Variants in ADGRL3 observed in about 807,000 individuals in gnomAD.
ADGRL3 encodes the protein adhesion G protein-coupled receptor L3.
ADGRL3 carries 62 observed loss-of-function variants against 153.5 expected under a neutral mutation model. The ratio of observed to expected loss-of-function variants is 0.40; its 90% confidence interval spans 0.33 to 0.50. The LOEUF is 0.50. Ranked by LOEUF, ADGRL3 falls within the 20% of genes least tolerant of loss-of-function variation. The probability of loss-of-function intolerance (pLI) is 0.47; values close to 1 mark genes in which losing one functional copy is unlikely to be tolerated. For synonymous variants in ADGRL3, 710 were observed against 672.5 expected, an observed-to-expected ratio of 1.06 and a Z score of -0.86; for missense variants, 1,641 against 1,859.4, an observed-to-expected ratio of 0.88 and a Z score of 2.16.
intron 1 of ADGRL3, among the ~76,000 whole-genome samples, chr4:61,288,016 C>T (rs1306902557): frequency 6.6e-6 from 1 of 151,896 alleles, no homozygotes; most frequent in Non-Finnish European, 1.5e-5. Context: ...CATAATACTA[C>T]ATCCAGCCAG....
At chr4:61,664,760 T>C (rs1464149890) in intron 5 of ADGRL3, among the ~76,000 whole-genome samples, 2 of 152,204 alleles carry the variant, frequency 1.3e-5, no homozygotes, top group African/African-American at 2.4e-5. Context: ...TTCTTAGTTA[T>C]TGTGGTACAA....
At chr4:61,305,594 T>A (rs769618280) in intron 1 of ADGRL3, among the ~76,000 whole-genome samples, 10 of 152,186 alleles carry the variant, frequency 6.6e-5, no homozygotes, top group Non-Finnish European at 8.8e-5. Flanking sequence ...CTAGAACTTC[T>A]GATTTTTTAA....
intron 8 of ADGRL3, among the ~76,000 whole-genome samples, chr4:61,736,165 G>A (rs2096509049): frequency 6.6e-6 from 1 of 151,856 alleles, no homozygotes; most frequent in Admixed American, 6.6e-5. Flanking sequence ...CCCTCCATAT[G>A]TATGTACATA....
At chr4:61,935,103 C>G in intron 14 of ADGRL3, 80 bp downstream of exon 14, 1 of 1,184,946 alleles carries the variant, frequency 8.4e-7, no homozygotes, top group South Asian at 1.3e-5. Flanking sequence ...TCTCTGGTGT[C>G]CTAGATATGA....
chr4:61,346,246 C>A (rs749432574), intron 1 of ADGRL3, among the ~76,000 whole-genome samples: 2 of 151,630 alleles, frequency 1.3e-5, no homozygotes, highest in Non-Finnish European at 1.5e-5. Flanking sequence ...TTGAGTCTCT[C>A]TCTCTCTCTC....
At chr4:61,624,486 C>A (rs2092715659) in intron 5 of ADGRL3, among the ~76,000 whole-genome samples, 1 of 152,056 alleles carries the variant, frequency 6.6e-6, no homozygotes, top group Non-Finnish European at 1.5e-5. Flanking sequence ...ATTCATTCAG[C>A]AAATATTTTA....
intron 1 of ADGRL3, among the ~76,000 whole-genome samples, chr4:61,334,392 G>A (rs1039614379): frequency 1.3e-5 from 2 of 152,166 alleles, no homozygotes; most frequent in African/African-American, 4.8e-5. Flanking sequence ...ACGATTCAGT[G>A]CGGTGGAGAG....
At chr4:62,013,367 C>A (rs2099195611) in intron 21 of ADGRL3, among the ~76,000 whole-genome samples, 1 of 151,750 alleles carries the variant, frequency 6.6e-6, no homozygotes. Flanking sequence ...TGGTGGAACC[C>A]CATCTCTACT....
chr4:61,664,186 G>C (rs2094704286), intron 5 of ADGRL3, among the ~76,000 whole-genome samples: 2 of 152,138 alleles, frequency 1.3e-5, no homozygotes, highest in South Asian at 4.1e-4. Flanking sequence ...AAATATATGA[G>C]AAACTATTGG....
rs192055554 is a variant in ADGRL3 at position 61,870,550 on chromosome 4, A to G, written c.1481-22106A>G. Reference sequence around the variant, plus strand: ...ACTGGAGAAATGATTTGCAAATTGTATATCTGATAAGGGGCTTATATTCAA... The same window carrying G: ...ACTGGAGAAATGATTTGCAAATTGTGTATCTGATAAGGGGCTTATATTCAA... On this transcript the variant is annotated intron_variant, in intron 9 of 26. Transcript: ENST00000683033. Among the ~76,000 whole-genome samples, 578 of 152,316 alleles carry G rather than the reference A, an allele frequency of 3.8e-3. 2 individuals are homozygous for G. Among genetic ancestry groups the G allele is most frequent in the Admixed American group, 7.2e-3 (110 of 15,302 alleles).
chr4:61,707,335 A>G (rs1019081091), intron 6 of ADGRL3, among the ~76,000 whole-genome samples: 14 of 152,176 alleles, frequency 9.2e-5, no homozygotes, highest in East Asian at 3.9e-4. Context: ...GCGCCAATTG[A>G]CTTGCTCCAT....
At chr4:61,971,148 T>TTTTA (rs912276437) in intron 17 of ADGRL3, among the ~76,000 whole-genome samples, 1 of 151,502 alleles carries the variant, frequency 6.6e-6, no homozygotes, top group East Asian at 1.9e-4. Context: ...TTTTATTTAT[T>TTTTA]TTTATTTATT....
intron 24 of ADGRL3, 52 bp from the exon 25 acceptor site, chr4:62,044,400 GA>G (rs2151677654): frequency 1.7e-6 from 2 of 1,162,502 alleles, no homozygotes; most frequent in Non-Finnish European, 2.5e-6. Context: ...TGATTTGTGT[GA>G]AAATTCACTG....
At chr4:61,225,622 G>C (rs1747586992) in intron 1 of ADGRL3, among the ~76,000 whole-genome samples, 1 of 152,138 alleles carries the variant, frequency 6.6e-6, no homozygotes. Context: ...ACACCACTTT[G>C]TTATTCACTT....
intron 1 of ADGRL3, among the ~76,000 whole-genome samples, chr4:61,298,888 C>A (rs989941259): frequency 6.6e-6 from 1 of 151,988 alleles, no homozygotes; most frequent in Non-Finnish European, 1.5e-5. Context: ...TTATTAGAGG[C>A]TACGATAACT....
chr4:61,418,532 GT>G (rs1285141483), intron 2 of ADGRL3, among the ~76,000 whole-genome samples: 1 of 150,338 alleles, frequency 6.7e-6, no homozygotes, highest in Non-Finnish European at 1.5e-5. Context: ...TTTGCAGTAT[GT>G]TTTTCTTCCT....
intron 3 of ADGRL3, among the ~76,000 whole-genome samples, chr4:61,497,565 G>A (rs2098334114): frequency 7.2e-6 from 1 of 139,520 alleles, no homozygotes; most frequent in African/African-American, 2.7e-5. Context: ...ACCCAGGCTC[G>A]AGTGCGGTGG....
chr4:61,549,484 G>A (rs537841030), intron 4 of ADGRL3, among the ~76,000 whole-genome samples: 1 of 151,900 alleles, frequency 6.6e-6, no homozygotes, highest in South Asian at 2.1e-4. Context: ...TTTTGCCTGA[G>A]AACTTCCTCT....
intron 1 of ADGRL3, among the ~76,000 whole-genome samples, chr4:61,329,962 T>C (rs979233676): frequency 6.6e-6 from 1 of 152,128 alleles, no homozygotes; most frequent in Non-Finnish European, 1.5e-5. Context: ...AAGAAGGAAA[T>C]TGCAATCACT....
Sources: allele counts gnomAD v4.1 joint callset (sites outside exome capture counted in the v4.1 genomes callset), GRCh38; gene constraint gnomAD v4.1.1; transcripts MANE v1.5; gene names NCBI Gene and HGNC (gene_info 2026-07-23, HGNC 2026-07-21).